Variants in MRTFA observed in about 807,000 individuals in gnomAD.
MRTFA encodes myocardin related transcription factor A, also known as myocardin-related transcription factor A.
MRTFA carries 20 observed loss-of-function variants against 83.5 expected under a neutral mutation model. The ratio of observed to expected loss-of-function variants is 0.24; its 90% CI spans 0.17 to 0.35. MRTFA has a LOEUF of 0.35. Ranked by LOEUF, MRTFA falls within the 10% of genes least tolerant of loss-of-function variation. The pLI is 1.00. For synonymous variants in MRTFA, 659 were observed against 541.2 expected (o/e 1.22, Z -3.02); for missense variants, 1,200 against 1,224.7 (o/e 0.98, Z 0.30).
rs2052947335 is a variant in MRTFA at position 40,426,087 on chromosome 22, G to A, written c.602-1706C>T. The stretch of plus-strand genomic sequence containing the variant: ...AAAGTGAACCTTGACGATAACTGAG[G>A]GGCCTGGAGGAAGGGTGGGATGGGG... On this transcript the variant is annotated intron_variant, in intron 7 of 14. Transcript: ENST00000355630. Among the ~76,000 whole-genome samples, 5 of 152,112 alleles carry A rather than the reference G, an allele frequency of 3.3e-5. No homozygotes were observed. The South Asian group carries it at 1.0e-3, about 31-fold the overall frequency.
At chr22:40,579,677 T>C (rs2055916943) in intron 2 of MRTFA, among the ~76,000 whole-genome samples, 1 of 152,016 alleles carries the variant, frequency 6.6e-6, no homozygotes, top group South Asian at 2.1e-4. Context: ...CTGGCCAACA[T>C]GGTGAAACCC....
At chr22:40,444,277 A>C (rs935929655) in intron 4 of MRTFA, among the ~76,000 whole-genome samples, 2 of 152,224 alleles carry the variant, frequency 1.3e-5, no homozygotes, top group Non-Finnish European at 2.9e-5. Flanking sequence ...AGACTGGAGA[A>C]GGGAAATAAA....
intron 12 of MRTFA, 60 bp downstream of exon 12, chr22:40,418,314 A>G (rs958904733): frequency 2.2e-5 from 34 of 1,576,634 alleles, no homozygotes; most frequent in Admixed American, 5.9e-5. Flanking sequence ...AGAGGGCTGT[A>G]GCGAGACGCT....
intron 3 of MRTFA, among the ~76,000 whole-genome samples, chr22:40,470,231 T>TTATA (rs71328709): frequency 0.027 from 1,217 of 44,608 alleles, 16 homozygotes; most frequent in African/African-American, 0.035. Context: ...CTCCAAAATT[T>TTATA]TATATATATA....
At chr22:40,623,720 C>T (rs2056549589) in intron 1 of MRTFA, among the ~76,000 whole-genome samples, 1 of 152,070 alleles carries the variant, frequency 6.6e-6, no homozygotes, top group South Asian at 2.1e-4. Context: ...TTTTTGAGTA[C>T]TATGAAAATT....
At chr22:40,489,735 C>A (rs1425503483) in intron 3 of MRTFA, among the ~76,000 whole-genome samples, 1 of 152,062 alleles carries the variant, frequency 6.6e-6, no homozygotes, top group African/African-American at 2.4e-5. Context: ...TCCCAGCACT[C>A]TGGGAAGCCA....
At chr22:40,472,947 T>C (rs1407944611) in intron 3 of MRTFA, among the ~76,000 whole-genome samples, 8 of 152,190 alleles carry the variant, frequency 5.3e-5, no homozygotes, top group Non-Finnish European at 1.0e-4. Flanking sequence ...TTTTCCAACA[T>C]ACTTCTTCCA....
chr22:40,435,579 T>A (rs1237330519), intron 4 of MRTFA, 25 bp from the exon 5 acceptor site: 2 of 1,613,066 alleles, frequency 1.2e-6, no homozygotes, highest in Non-Finnish European at 1.7e-6. Flanking sequence ...ACCGTAAAGA[T>A]TACCTTCAAG....
intron 3 of MRTFA, among the ~76,000 whole-genome samples, chr22:40,521,318 A>G (rs1163857482): frequency 6.6e-6 from 1 of 152,138 alleles, no homozygotes; most frequent in East Asian, 1.9e-4. Flanking sequence ...CTTCATATCT[A>G]TAATTTTGTC....
At chr22:40,438,028 C>A (rs2053204774) in intron 4 of MRTFA, among the ~76,000 whole-genome samples, 1 of 152,136 alleles carries the variant, frequency 6.6e-6, no homozygotes. Flanking sequence ...TGCGGCAGAG[C>A]TCTAAACTTT....
chr22:40,624,271 T>TAA (rs2056555438), intron 1 of MRTFA, among the ~76,000 whole-genome samples: 1 of 151,252 alleles, frequency 6.6e-6, no homozygotes, highest in Non-Finnish European at 1.5e-5. Flanking sequence ...TAAAAATTTT[T>TAA]AAAAATTAGC....
chr22:40,635,736 C>T (rs138639231), intron 1 of MRTFA, among the ~76,000 whole-genome samples: 1 of 152,310 alleles, frequency 6.6e-6, no homozygotes, highest in African/African-American at 2.4e-5. Flanking sequence ...TCAAACGCTT[C>T]ACGTGAATTA....
chr22:40,528,737 CA>C (rs11321951), intron 3 of MRTFA, among the ~76,000 whole-genome samples: 75,752 of 116,672 alleles, frequency 0.65, 22,474 homozygotes, highest in African/African-American at 0.72. Context: ...AACTCTGCTT[CA>C]AAAAAAAAAA....
At chr22:40,490,228 G>A (rs929117905) in intron 3 of MRTFA, among the ~76,000 whole-genome samples, 2 of 152,104 alleles carry the variant, frequency 1.3e-5, no homozygotes, top group South Asian at 4.1e-4. Flanking sequence ...CTTTAATGTT[G>A]CCATGGTGTT....
chr22:40,413,174 G>A (rs1386510893), intron 14 of MRTFA, among the ~76,000 whole-genome samples: 1 of 149,260 alleles, frequency 6.7e-6, no homozygotes, highest in Non-Finnish European at 1.5e-5. Flanking sequence ...AGGTTATGAT[G>A]GGTTGGGCAC....
chr22:40,420,356 T>G (rs774508174), intron 11 of MRTFA, 49 bp downstream of exon 11: 1 of 1,585,186 alleles, frequency 6.3e-7, no homozygotes, highest in East Asian at 2.2e-5. Context: ...ACAGCCCCTG[T>G]GGGAAGGGCC....
intron 3 of MRTFA, among the ~76,000 whole-genome samples, chr22:40,473,788 A>G (rs1185706257): frequency 6.6e-6 from 1 of 152,212 alleles, no homozygotes; most frequent in Non-Finnish European, 1.5e-5. Flanking sequence ...ATTTTACATT[A>G]TATTTATCCT....
chr22:40,457,423 TGAAAGAAAGAAAGAGAAA>T (rs200915977), intron 4 of MRTFA, among the ~76,000 whole-genome samples: 113 of 52,296 alleles, frequency 2.2e-3, no homozygotes, highest in African/African-American at 6.3e-3. Context: ...AGAGACAGAA[TGAAAGAAAGAAAGAGAAA>T]GAAAGAAAGA....
At chr22:40,493,573 T>C (rs1451469774) in intron 3 of MRTFA, among the ~76,000 whole-genome samples, 1 of 152,176 alleles carries the variant, frequency 6.6e-6, no homozygotes, top group Non-Finnish European at 1.5e-5. Flanking sequence ...AAAATTTACA[T>C]GAGAAATCCT....
Sources: allele counts gnomAD v4.1 joint callset (sites outside exome capture counted in the v4.1 genomes callset), GRCh38; gene constraint gnomAD v4.1.1; transcripts MANE v1.5; gene names NCBI Gene and HGNC (gene_info 2026-07-23, HGNC 2026-07-21).